The following CAMK1D variants were observed in gnomAD, a reference collection of about 807,000 sequenced individuals.
CAMK1D encodes the protein calcium/calmodulin dependent protein kinase ID, also known as calcium/calmodulin-dependent protein kinase type 1D.
In CAMK1D, 9 loss-of-function variants were observed where a neutral mutation model predicts 47.7. The ratio of observed to expected loss-of-function variants is 0.19; its 90% CI spans 0.11 to 0.33. The LOEUF (loss-of-function observed/expected upper bound fraction) is 0.33, where lower values mean the gene tolerates loss of function less well. CAMK1D is among the 10% of genes least tolerant of loss of function. CAMK1D has a pLI of 1.00. For missense variants in CAMK1D, 291 were observed against 488.7 expected, an observed-to-expected ratio of 0.60 and a Z score of 3.81; for synonymous variants, 184 against 184.9, an observed-to-expected ratio of 0.99 and a Z score of 0.04.
At position 12,743,557 on chromosome 10, in the gene CAMK1D, A is replaced by G. The variant is rs115414282; in HGVS notation, c.300-17391A>G. On this transcript the variant is annotated intron_variant, in intron 3 of 10. Coordinates refer to ENST00000619168, the MANE Select transcript of CAMK1D (RefSeq NM_153498.4). ...AAAATTCACCCTTTCAAGTTGTACA[A>G]CTCAGTACAGTACTTTAATATGTTC... is the stretch of plus-strand genomic sequence containing the variant. 1.1e-3 allele frequency among the ~76,000 whole-genome samples: 164 copies of G among 152,288 alleles called. 2 individuals carry two copies. The highest frequency in any genetic ancestry group is 3.9e-3 in the African/African-American group (162 of 41,562).
At chr10:12,730,101 G>C (rs1269089346) in intron 3 of CAMK1D, among the ~76,000 whole-genome samples, 6 of 152,160 alleles carry the variant, frequency 3.9e-5, no homozygotes, top group Admixed American at 3.9e-4. Context: ...AGGGGGCAGT[G>C]GTGAAAGCAG....
chr10:12,554,781 C>T (rs1031147291), intron 2 of CAMK1D, among the ~76,000 whole-genome samples: 1 of 151,964 alleles, frequency 6.6e-6, no homozygotes, highest in African/African-American at 2.4e-5. Flanking sequence ...TGGCCTCAAG[C>T]AGTCCTCCTA....
At chr10:12,350,661 C>CA (rs1457521976) in intron 1 of CAMK1D, among the ~76,000 whole-genome samples, 6 of 152,370 alleles carry the variant, frequency 3.9e-5, no homozygotes, top group Non-Finnish European at 7.3e-5. Context: ...ACGCTCCAAG[C>CA]ATGTGCTGCT....
intron 3 of CAMK1D, among the ~76,000 whole-genome samples, chr10:12,706,632 A>G (rs1466125866): frequency 1.3e-5 from 2 of 152,118 alleles, no homozygotes; most frequent in Non-Finnish European, 2.9e-5. Flanking sequence ...GGAGGATTAT[A>G]ATCATGTGTT....
At chr10:12,694,232 T>TATAATATATAATATATATTATAC (rs1833122472) in intron 3 of CAMK1D, among the ~76,000 whole-genome samples, 1 of 25,772 alleles carries the variant, frequency 3.9e-5, no homozygotes, top group African/African-American at 1.3e-4. Flanking sequence ...ATATATTATG[T>TATAATATATAATATATATTATAC]ATAATATATA....
chr10:12,813,856 G>T (rs1588959119), intron 6 of CAMK1D, among the ~76,000 whole-genome samples: 1 of 151,770 alleles, frequency 6.6e-6, no homozygotes, highest in Non-Finnish European at 1.5e-5. Context: ...CACCTCCCAG[G>T]CTCAAGGATT....
chr10:12,759,054 T>A (rs1030954315), intron 3 of CAMK1D, among the ~76,000 whole-genome samples: 17 of 152,168 alleles, frequency 1.1e-4, no homozygotes, highest in African/African-American at 4.1e-4. Context: ...GAATAAATAA[T>A]TAAGTGAATG....
chr10:12,638,902 C>T (rs531509757), intron 2 of CAMK1D, among the ~76,000 whole-genome samples: 7 of 152,162 alleles, frequency 4.6e-5, no homozygotes, highest in Admixed American at 3.3e-4. Flanking sequence ...CCCTCTCATC[C>T]CCCCACTTCT....
chr10:12,643,346 A>G (rs1401894298), intron 2 of CAMK1D, among the ~76,000 whole-genome samples: 1 of 152,188 alleles, frequency 6.6e-6, no homozygotes, highest in African/African-American at 2.4e-5. Context: ...TTATTGGGCC[A>G]TAGCAGGGGT....
intron 2 of CAMK1D, among the ~76,000 whole-genome samples, chr10:12,608,409 A>G (rs1838527045): frequency 6.6e-6 from 1 of 152,144 alleles, no homozygotes; most frequent in Admixed American, 6.5e-5. Flanking sequence ...CAAGAGTGAA[A>G]CTCTGTCTCA....
At chr10:12,807,601 G>A (rs574881350) in intron 6 of CAMK1D, among the ~76,000 whole-genome samples, 1 of 152,326 alleles carries the variant, frequency 6.6e-6, no homozygotes, top group East Asian at 1.9e-4. Flanking sequence ...TGAAGAGGGA[G>A]CTGGAATTAC....
At chr10:12,792,148 T>C (rs748828232) in intron 6 of CAMK1D, among the ~76,000 whole-genome samples, 81 of 152,282 alleles carry the variant, frequency 5.3e-4, no homozygotes, top group Non-Finnish European at 8.8e-4. Context: ...CCCAAAGAAA[T>C]CATAATGAGA....
intron 1 of CAMK1D, among the ~76,000 whole-genome samples, chr10:12,362,428 C>T (rs191876538): frequency 3.6e-4 from 55 of 152,224 alleles, no homozygotes; most frequent in Admixed American, 9.8e-4. Context: ...GCTCTAGTGT[C>T]TGATATAAAA....
At chr10:12,499,025 C>T (rs1700939361) in intron 1 of CAMK1D, among the ~76,000 whole-genome samples, 1 of 150,940 alleles carries the variant, frequency 6.6e-6, no homozygotes, top group African/African-American at 2.4e-5. Flanking sequence ...ATGCCTTCCC[C>T]TGGGTCATAC....
chr10:12,414,537 G>A (rs1305258239), intron 1 of CAMK1D, among the ~76,000 whole-genome samples: 2 of 152,166 alleles, frequency 1.3e-5, no homozygotes, highest in Admixed American at 1.3e-4. Context: ...TTTTGTACAA[G>A]CATTTTGCAT....
At chr10:12,548,055 C>G (rs978309550) in intron 1 of CAMK1D, among the ~76,000 whole-genome samples, 2 of 152,162 alleles carry the variant, frequency 1.3e-5, no homozygotes, top group African/African-American at 4.8e-5. Flanking sequence ...CTGTATCAGC[C>G]CAGCGTGACA....
chr10:12,350,284 T>G lies in CAMK1D; in HGVS notation c.92+374T>G, dbSNP rs1429684291. On this transcript the variant is annotated intron_variant, in intron 1 of 10. Coordinates refer to ENST00000619168, the MANE Select transcript of CAMK1D (RefSeq NM_153498.4). ...TGTGTGCGTTTACTCGCCGTGTGCA[T>G]GGGCGCACCGCGTTGGCGAGACGTG... 2.0e-5 allele frequency among the ~76,000 whole-genome samples: 3 copies of G among 152,242 alleles called. No homozygotes were observed. In the East Asian group the frequency reaches 5.8e-4, roughly 29 times the overall value.
At chr10:12,367,417 G>A (rs1472309906) in intron 1 of CAMK1D, among the ~76,000 whole-genome samples, 1 of 152,010 alleles carries the variant, frequency 6.6e-6, no homozygotes, top group Non-Finnish European at 1.5e-5. Context: ...GTTTCAGGAT[G>A]ATTCAAGCAT....
chr10:12,686,258 G>A lies in CAMK1D; in HGVS notation c.299+19448G>A, dbSNP rs181245595. Among the ~76,000 whole-genome samples, 736 of 152,284 alleles carry A rather than the reference G, an allele frequency of 4.8e-3. 3 individuals carry two copies. Among genetic ancestry groups the A allele is most frequent in the African/African-American group, 0.016 (680 of 41,568 alleles). On this transcript the variant is annotated intron_variant, in intron 3 of 10. Coordinates refer to ENST00000619168, the MANE Select transcript of CAMK1D (RefSeq NM_153498.4). Reference sequence around the variant, plus strand: ...GTACGTGTTGATATGGAACGATTGCGAAGATATGATGTTAATGAATAAGTA... The same window carrying A: ...GTACGTGTTGATATGGAACGATTGCAAAGATATGATGTTAATGAATAAGTA...
Sources: allele counts gnomAD v4.1 joint callset (sites outside exome capture counted in the v4.1 genomes callset), GRCh38; gene constraint gnomAD v4.1.1; transcripts MANE v1.5; gene names NCBI Gene and HGNC (gene_info 2026-07-23, HGNC 2026-07-21).